ZNF227: variants seen among roughly 807,000 people sequenced by gnomAD.
The protein encoded by ZNF227 is zinc finger protein 227.
In ZNF227, 12 loss-of-function variants were observed where a neutral mutation model predicts 13.2. That is an observed-to-expected ratio of 0.91 (90% CI 0.58 to 1.47). The LOEUF (loss-of-function observed/expected upper bound fraction) is 1.47. ZNF227 is among the 40% of genes most tolerant of loss of function. The pLI is 0.00. For synonymous variants in ZNF227, 338 were observed against 326.0 expected (o/e 1.04, Z -0.40); for missense variants, 885 against 967.5 (o/e 0.91, Z 1.13).
chr19:44,214,604 T>C (rs1568590530), intron 2 of ZNF227, among the ~76,000 whole-genome samples: 1 of 152,054 alleles, frequency 6.6e-6, no homozygotes, highest in African/African-American at 2.4e-5. Flanking sequence ...TCTTGAACTC[T>C]TGACCTCAGG....
Position 44,219,042 on chromosome 19 carries a change from C to T in ZNF227, c.60+1190C>T, listed in dbSNP as rs79039506. Among the ~76,000 whole-genome samples, 1,441 of 152,292 alleles carry T rather than the reference C, an allele frequency of 9.5e-3. 29 individuals are homozygous for T. The highest frequency in any genetic ancestry group is 0.033 in the African/African-American group (1,375 of 41,550). The stretch of plus-strand genomic sequence containing the variant: ...AGCTGGGATTACAGGCATGTACCAG[C>T]ACGCCTGGCTAATTTTGTATTTTTA... On this transcript the variant is annotated intron_variant, in intron 3 of 5. Transcript: ENST00000313040.
intron 3 of ZNF227, among the ~76,000 whole-genome samples, chr19:44,226,078 G>A (rs917146343): frequency 2.6e-5 from 4 of 152,104 alleles, no homozygotes; most frequent in South Asian, 2.1e-4. Context: ...GCAGAACAGC[G>A]GTGGCTGTAG....
At chr19:44,219,641 G>A (rs1463638407) in intron 3 of ZNF227, among the ~76,000 whole-genome samples, 2 of 151,920 alleles carry the variant, frequency 1.3e-5, no homozygotes, top group African/African-American at 4.8e-5. Context: ...CTATTTAGCC[G>A]GGGTCTAGAG....
Position 44,228,299 on chromosome 19 carries a change from C to G in ZNF227, c.61-147C>G, listed in dbSNP as rs1973397212. The G allele has an allele frequency of 9.2e-6, 8 of 869,520 alleles. No homozygotes were observed. In the South Asian group the frequency reaches 1.5e-4, roughly 16 times the overall value. The allele number at this position is 869,520 out of a possible 1,614,324, so 53.9% of individuals were successfully genotyped here. The stretch of plus-strand genomic sequence containing the variant: ...GGGATGAGCGTAGGAGATAGTGAGA[C>G]AGGGAAAACTGTAACAGCTGAAAAT... On this transcript the variant is annotated intron_variant, in intron 3 of 5. Coordinates refer to ENST00000313040, the MANE Select transcript of ZNF227 (RefSeq NM_182490.3).
At chr19:44,219,088 C>T (rs1326079971) in intron 3 of ZNF227, among the ~76,000 whole-genome samples, 4 of 152,236 alleles carry the variant, frequency 2.6e-5, no homozygotes, top group East Asian at 3.9e-4. Context: ...GGTTTCACCA[C>T]GTTGGCCAGG....
At chr19:44,234,050 C>G (rs1974146643) in intron 5 of ZNF227, among the ~76,000 whole-genome samples, 1 of 152,126 alleles carries the variant, frequency 6.6e-6, no homozygotes, top group Non-Finnish European at 1.5e-5. Flanking sequence ...AGGAAGTTTC[C>G]AAGCTGAACA....
intron 2 of ZNF227, chr19:44,213,641 A>T (rs557188682): frequency 6.6e-6 from 1 of 151,812 alleles, no homozygotes; most frequent in African/African-American, 2.4e-5. Flanking sequence ...TTTATTTTCT[A>T]TTCCTTTTTC....
rs1272673363 is a variant in ZNF227, at chr19:44,216,854, A to G, written c.-2-937A>G. Among the ~76,000 whole-genome samples, 4 of 152,180 alleles carry G rather than the reference A, an allele frequency of 2.6e-5. No individual in the cohort carries two copies. In the East Asian group the frequency reaches 7.7e-4, roughly 29 times the overall value. On this transcript the variant is annotated intron_variant, in intron 2 of 5. Transcript: ENST00000313040. ...TACTAGCTGGGCAACAAATTACTAA[A>G]AAGAAACCTTAAGTCAGATTTCGGC...
At chr19:44,217,519 G>A (rs1334179586) in intron 2 of ZNF227, 3 of 642,126 alleles carry the variant, frequency 4.7e-6, no homozygotes, top group African/African-American at 3.6e-5. Context: ...TGACTTGAGA[G>A]CCCTCATATG....
rs373866065 is a variant in ZNF227 at position 44,229,775 on chromosome 19, C to T, written c.230C>T (p.Ala77Val). The change falls in exon 5 of 6, where the codon GCA (alanine) becomes GTA (valine). Residue 77 changes from alanine to valine, a missense_variant. Ala to Val is a moderately conservative substitution (Grantham distance 64, BLOSUM62 0). Coordinates refer to ENST00000313040, the MANE Select transcript of ZNF227 (RefSeq NM_182490.3). The part of the protein sequence containing the change: ...FQPDMVSQLE[A>V]EEKLWMMETE... ...CCAGATATGGTATCCCAATTGGAAG[C>T]AGAAGAAAAGCTTTGGATGATGGAA... 1.5e-5 allele frequency: 24 copies of T among 1,591,526 alleles called. No individual in the cohort carries two copies. In the African/African-American group the frequency reaches 1.6e-4, roughly 11 times the overall value.
intron 5 of ZNF227, 64 bp from the exon 6 acceptor site, chr19:44,234,638 A>G (rs1458894348): frequency 7.0e-7 from 1 of 1,430,200 alleles, no homozygotes; most frequent in African/African-American, 1.4e-5. Flanking sequence ...TGAAATTCTG[A>G]TATTTCTGAA....
rs767059071 is a variant in ZNF227, at chr19:44,235,259, T to C, written c.829T>C (p.Cys277Arg). The C allele has an allele frequency of 2.5e-6, 4 of 1,613,796 alleles. No homozygotes were observed. The African/African-American group carries it at 4.0e-5, about 16-fold the overall frequency. The change falls in exon 6 of 6, where the codon TGC becomes CGC. Residue 277 changes from cysteine (C) to arginine (R), a missense_variant. Physicochemically the swap from Cys to Arg is radical, Grantham distance 180. Coordinates refer to ENST00000313040, the MANE Select transcript of ZNF227 (RefSeq NM_182490.3). Reference protein sequence around the residue: ...LHPNVHTGEKCFSQSSHLRTH... With the variant: ...LHPNVHTGEKRFSQSSHLRTH... ...TCCGAATGTTCATACAGGAGAAAAA[T>C]GCTTCAGTCAAAGCTCACATCTGCG... is the stretch of plus-strand genomic sequence containing the variant.
At chr19:44,230,539 T>C (rs1973673346) in intron 5 of ZNF227, among the ~76,000 whole-genome samples, 1 of 152,128 alleles carries the variant, frequency 6.6e-6, no homozygotes, top group African/African-American at 2.4e-5. Flanking sequence ...AGTTCCCTTC[T>C]CTTCCATGGC....
chr19:44,236,825 C>T lies in ZNF227; in HGVS notation c.2395C>T (p.Leu799Phe). ...TCAGAAAGTCCATACTGGTAAAAAGCTTTAGAAATGAGAAATGTGTTACCA... is the reference window on the plus strand; with the variant it reads ...TCAGAAAGTCCATACTGGTAAAAAGTTTTAGAAATGAGAAATGTGTTACCA... The part of the protein sequence containing the change: ...YHQKVHTGKK[L>F] The change falls in exon 6 of 6, where the codon CTT becomes TTT. Residue 799 changes from leucine (L) to phenylalanine (F), a missense_variant. Coordinates refer to ENST00000313040, the MANE Select transcript of ZNF227 (RefSeq NM_182490.3). The T allele has an allele frequency of 6.4e-7, 1 of 1,555,678 alleles. No individual in the cohort carries two copies. The highest frequency in any genetic ancestry group is 8.7e-7 in the Non-Finnish European group (1 of 1,153,598).
At position 44,235,486 on chromosome 19, in the gene ZNF227, T is replaced by C; in HGVS notation, c.1056T>C (p.Tyr352=). The C allele has an allele frequency of 1.2e-6, 2 of 1,614,090 alleles. No individual in the cohort carries two copies. Among genetic ancestry groups the C allele is most frequent in the Non-Finnish European group, 1.7e-6 (2 of 1,180,016 alleles). Reference sequence around the variant, plus strand: ...GAACTCATACTGGAGAGAAACCCTATAAATGCGAGGAATGTGGTAAATGCT... The same window carrying C: ...GAACTCATACTGGAGAGAAACCCTACAAATGCGAGGAATGTGGTAAATGCT... ...HYRTHTGEKP[Y]KCEECGKCFS... Residue 352 remains tyrosine (Y), a synonymous_variant, in exon 6 of 6, where the codon TAT becomes TAC. Transcript: ENST00000313040.
In ZNF227 at chr19:44,214,829, G is replaced by A. The variant is rs1971696228; in HGVS notation, c.-3+1585G>A. ...TAAATTAGAGTGTCTTAAAGCAGGA[G>A]TCCCAACTTCTGGGCAGCGGACCTG... On this transcript the variant is annotated intron_variant, in intron 2 of 5. Transcript: ENST00000313040. Among the ~76,000 whole-genome samples, 5 of 150,098 alleles carry A rather than the reference G, an allele frequency of 3.3e-5. 1 individual carries two copies. In the South Asian group the frequency reaches 1.1e-3, roughly 32 times the overall value.
rs542210501 is a variant in ZNF227 at position 44,230,004 on chromosome 19, A to G, written c.271+188A>G. Among the ~76,000 whole-genome samples, 8 of 151,792 alleles carry G rather than the reference A, an allele frequency of 5.3e-5. No individual in the cohort carries two copies. The East Asian group carries it at 1.2e-3, about 22-fold the overall frequency. ...AATCTGCTTTCTAAATGGTAGCCGG[A>G]GTGGTTCTTTTTTTAATCTTTATTT... On this transcript the variant is annotated intron_variant, in intron 5 of 5. Coordinates refer to ENST00000313040, the MANE Select transcript of ZNF227 (RefSeq NM_182490.3).
At chr19:44,225,873 T>A (rs1222486398) in intron 3 of ZNF227, among the ~76,000 whole-genome samples, 1 of 152,114 alleles carries the variant, frequency 6.6e-6, no homozygotes, top group African/African-American at 2.4e-5. Flanking sequence ...TTCTGCTCTG[T>A]TTTTTCCCCA....
In ZNF227 at chr19:44,236,386, A is replaced by ATT. The variant is rs1460644743; in HGVS notation, c.1956_1957insTT (p.Val653LeufsTer50). On this transcript the variant is annotated frameshift_variant, in exon 6 of 6. Transcript: ENST00000313040. LOFTEE classifies it low-confidence loss of function (END_TRUNC). ...CCTCTGGTCTTCAATCCCATCAGAGAGTCCACACGGGGGAAAAGCCATACA... is the reference window on the plus strand; with the variant it reads ...CCTCTGGTCTTCAATCCCATCAGAGATTGTCCACACGGGGGAAAAGCCATACA... 1 of 1,613,986 alleles carries ATT rather than the reference A, an allele frequency of 6.2e-7. No homozygotes were observed. Among genetic ancestry groups the ATT allele is most frequent in the Non-Finnish European group, 8.5e-7 (1 of 1,180,030 alleles).
Sources: allele counts gnomAD v4.1 joint callset (sites outside exome capture counted in the v4.1 genomes callset), GRCh38; gene constraint gnomAD v4.1.1; transcripts MANE v1.5; gene names NCBI Gene and HGNC (gene_info 2026-07-23, HGNC 2026-07-21).